The following GREB1L variants were observed in gnomAD, a reference collection of about 807,000 sequenced individuals.
GREB1L encodes the protein GREB1 like retinoic acid receptor coactivator.
In GREB1L, 17 loss-of-function variants were observed where a neutral mutation model predicts 200.8. That is an observed-to-expected ratio of 0.08 (90% CI 0.06 to 0.13). The LOEUF (loss-of-function observed/expected upper bound fraction) is 0.13. Ranked by LOEUF, GREB1L falls within the 10% of genes least tolerant of loss-of-function variation. GREB1L has a pLI of 1.00. For synonymous variants in GREB1L, 789 were observed against 893.0 expected (o/e 0.88, Z 2.08); for missense variants, 1,657 against 2,367.7 (o/e 0.70, Z 6.23).
At chr18:21,369,133 G>A (rs1034337852) in intron 2 of GREB1L, among the ~76,000 whole-genome samples, 4 of 152,126 alleles carry the variant, frequency 2.6e-5, no homozygotes, top group South Asian at 2.1e-4. Context: ...GGAAATTGGC[G>A]AATTGTTTTT....
At chr18:21,287,070 G>A (rs1480779758) in intron 1 of GREB1L, among the ~76,000 whole-genome samples, 3 of 152,082 alleles carry the variant, frequency 2.0e-5, no homozygotes, top group Non-Finnish European at 2.9e-5. Context: ...ATTTCACCTA[G>A]CCTGCTTTGA....
At chr18:21,436,496 TG>T (rs1472856210) in intron 7 of GREB1L, among the ~76,000 whole-genome samples, 1 of 151,922 alleles carries the variant, frequency 6.6e-6, no homozygotes, top group African/African-American at 2.4e-5. Flanking sequence ...TAGCTGGGTG[TG>T]GTTATGTGCA....
chr18:21,487,727 G>A (rs573916739), intron 18 of GREB1L, among the ~76,000 whole-genome samples: 2 of 152,064 alleles, frequency 1.3e-5, no homozygotes, highest in East Asian at 1.9e-4. Context: ...TGGGCTGGGC[G>A]CGGTGGCTCA....
intron 1 of GREB1L, among the ~76,000 whole-genome samples, chr18:21,292,571 T>C (rs1198968032): frequency 2.6e-5 from 4 of 152,226 alleles, no homozygotes; most frequent in Non-Finnish European, 5.9e-5. Flanking sequence ...TGTTTGTGGG[T>C]TCACCTATTC....
At position 21,384,349 on chromosome 18, in the gene GREB1L, C is replaced by T; in HGVS notation, c.301C>T (p.Pro101Ser). Residue 101 changes from proline to serine, a missense_variant, in exon 4 of 33, where the codon CCA becomes TCA. By Grantham distance (74) the Pro-to-Ser change is moderately conservative (BLOSUM62 -1). Coordinates refer to ENST00000424526, the MANE Select transcript of GREB1L (RefSeq NM_001142966.3). Reference protein sequence around the residue: ...DDEEMSDSNSPPIPYSQKPAP... With the variant: ...DDEEMSDSNSSPIPYSQKPAP... Reference sequence around the variant, plus strand: ...TGAAGAAATGTCTGATTCAAACAGCCCACCAATTCCCTATTCACAAAAACC... The same window carrying T: ...TGAAGAAATGTCTGATTCAAACAGCTCACCAATTCCCTATTCACAAAAACC... 6.4e-7 allele frequency: 1 copy of T among 1,551,758 alleles called. No individual in the cohort carries two copies.
chr18:21,246,435 T>C (rs2037603911), intron 1 of GREB1L, among the ~76,000 whole-genome samples: 1 of 152,226 alleles, frequency 6.6e-6, no homozygotes, highest in Non-Finnish European at 1.5e-5. Context: ...TTAAAACATA[T>C]TATTGTTACT....
At chr18:21,261,629 AT>A (rs1158901446) in intron 1 of GREB1L, among the ~76,000 whole-genome samples, 3 of 152,106 alleles carry the variant, frequency 2.0e-5, no homozygotes, top group African/African-American at 7.2e-5. Flanking sequence ...ACCTTTCTAT[AT>A]GTAAATTTTG....
intron 7 of GREB1L, among the ~76,000 whole-genome samples, chr18:21,413,945 G>A (rs1305518203): frequency 1.3e-5 from 2 of 152,172 alleles, no homozygotes; most frequent in Non-Finnish European, 1.5e-5. Flanking sequence ...TGGTAAAACC[G>A]ACACTCTCAG....
rs1349305962 is a variant in GREB1L at position 21,496,625 on chromosome 18, G to A, written c.3318G>A (p.Glu1106=). ...GKEQERAAVS[E]NDSDELLIDL... ...AGCAGGAGAGAGCTGCTGTCAGTGA[G>A]AATGACTCCGATGAGCTGCTCATCG... The change falls in exon 21 of 33, where the codon GAG becomes GAA. Residue 1106 remains glutamate, a synonymous_variant. Transcript: ENST00000424526. The A allele has an allele frequency of 3.9e-6, 6 of 1,551,592 alleles. No homozygotes were observed. Among genetic ancestry groups the A allele is most frequent in the African/African-American group, 1.4e-5 (1 of 73,044 alleles).
chr18:21,374,089 C>T (rs891546593), intron 2 of GREB1L, among the ~76,000 whole-genome samples: 1 of 152,132 alleles, frequency 6.6e-6, no homozygotes, highest in Non-Finnish European at 1.5e-5. Flanking sequence ...GCAGCCTCCA[C>T]CTCTCAGGCT....
rs2039046342 is a variant in GREB1L at position 21,327,829 on chromosome 18, C to T, written c.-119-38198C>T. Reference sequence around the variant, plus strand: ...CCGGGTTCACGCCATTCTCCTGCCTCAGCCTCCCGAGTAGCTGGGACTACA... The same window carrying T: ...CCGGGTTCACGCCATTCTCCTGCCTTAGCCTCCCGAGTAGCTGGGACTACA... On this transcript the variant is annotated intron_variant, in intron 1 of 32. Transcript: ENST00000424526. Among the ~76,000 whole-genome samples, 6 of 152,094 alleles carry T rather than the reference C, an allele frequency of 3.9e-5. 1 individual carries two copies. The South Asian group carries it at 6.2e-4, about 16-fold the overall frequency.
chr18:21,366,945 G>C (rs1409081207), intron 2 of GREB1L, among the ~76,000 whole-genome samples: 1 of 152,134 alleles, frequency 6.6e-6, no homozygotes, highest in African/African-American at 2.4e-5. Flanking sequence ...GGAACATCTG[G>C]AAAATGGTCA....
intron 1 of GREB1L, among the ~76,000 whole-genome samples, chr18:21,261,923 T>G (rs1236114525): frequency 6.6e-6 from 1 of 152,158 alleles, no homozygotes; most frequent in Non-Finnish European, 1.5e-5. Context: ...AAAAGTGTTT[T>G]GAACATTTTG....
intron 21 of GREB1L, among the ~76,000 whole-genome samples, chr18:21,499,110 C>T (rs1430926355): frequency 4.6e-5 from 7 of 152,144 alleles, no homozygotes; most frequent in Admixed American, 3.3e-4. Flanking sequence ...ACCCTAGCTT[C>T]GGAGTCCATG....
At chr18:21,484,309 G>C (rs888301576) in intron 17 of GREB1L, among the ~76,000 whole-genome samples, 1 of 151,330 alleles carries the variant, frequency 6.6e-6, no homozygotes, top group African/African-American at 2.4e-5. Flanking sequence ...TGAGTAGCTG[G>C]GTCTGTAGGC....
chr18:21,409,540 T>TC (rs2144667605), intron 7 of GREB1L, among the ~76,000 whole-genome samples: 1 of 152,340 alleles, frequency 6.6e-6, no homozygotes, highest in East Asian at 1.9e-4. Flanking sequence ...TATGCCTCAA[T>TC]TAAGCTAGAA....
chr18:21,444,304 C>G lies in GREB1L; in HGVS notation c.1288C>G (p.Pro430Ala). 2 of 1,551,654 alleles carry G rather than the reference C, an allele frequency of 1.3e-6. No individual in the cohort carries two copies. Among genetic ancestry groups the G allele is most frequent in the Non-Finnish European group, 1.7e-6 (2 of 1,146,690 alleles). ...TCTGCTGGTGAATTGCTACAAGATTCCACAGTTGGAAAACAAAGATTTGGA... is the reference window on the plus strand; with the variant it reads ...TCTGCTGGTGAATTGCTACAAGATTGCACAGTTGGAAAACAAAGATTTGGA... ...SPLLVNCYKIPQLENKDLEKL... is the reference protein window; with the variant it reads ...SPLLVNCYKIAQLENKDLEKL... Residue 430 changes from proline (P) to alanine (A), a missense_variant, in exon 11 of 33, where the codon CCA (proline) becomes GCA (alanine). Pro to Ala is a conservative substitution (Grantham distance 27, BLOSUM62 -1). Around this residue, in one of 9 missense-constraint regions of GREB1L, gnomAD observed 289 missense variants for 345.1 expected, o/e 0.84. Transcript: ENST00000424526.
At chr18:21,287,895 A>G (rs1165666678) in intron 1 of GREB1L, among the ~76,000 whole-genome samples, 2 of 151,452 alleles carry the variant, frequency 1.3e-5, no homozygotes, top group East Asian at 1.9e-4. Flanking sequence ...CCCGGGTTCA[A>G]GTGATTCTCT....
At chr18:21,261,972 A>G (rs765614882) in intron 1 of GREB1L, among the ~76,000 whole-genome samples, 1 of 152,098 alleles carries the variant, frequency 6.6e-6, no homozygotes, top group Non-Finnish European at 1.5e-5. Flanking sequence ...TTTAATATAC[A>G]TGTTTCCATG....
Sources: allele counts gnomAD v4.1 joint callset (sites outside exome capture counted in the v4.1 genomes callset), GRCh38; gene constraint gnomAD v4.1.1; regional missense constraint gnomAD v4.1.1; transcripts MANE v1.5; gene names NCBI Gene and HGNC (gene_info 2026-07-23, HGNC 2026-07-21).